Variants in KCNAB1 observed in about 807,000 individuals in gnomAD.
KCNAB1 encodes voltage-gated potassium channel subunit beta-1.
In KCNAB1, 35 loss-of-function variants were observed where a neutral mutation model predicts 64.6. That is an observed-to-expected ratio of 0.54 (90% confidence interval 0.41 to 0.72). KCNAB1 has a LOEUF of 0.72. Ranked by LOEUF, KCNAB1 falls within the 30% of genes least tolerant of loss-of-function variation. The pLI is 0.00. For missense variants in KCNAB1, 401 were observed against 512.9 expected (o/e 0.78, Z 2.11); for synonymous variants, 177 against 183.8 (o/e 0.96, Z 0.30).
intron 1 of KCNAB1, among the ~76,000 whole-genome samples, chr3:156,234,402 C>T (rs567661123): frequency 6.6e-6 from 1 of 152,168 alleles, no homozygotes; most frequent in Non-Finnish European, 1.5e-5. Context: ...CTTTAGGAGC[C>T]AGAACATAAG....
intron 1 of KCNAB1, among the ~76,000 whole-genome samples, chr3:156,226,217 G>T (rs1490193903): frequency 6.6e-6 from 1 of 152,070 alleles, no homozygotes; most frequent in African/African-American, 2.4e-5. Context: ...ATAAAAATTG[G>T]CACATAGACC....
At chr3:156,124,702 T>C (rs1248828191) in intron 1 of KCNAB1, among the ~76,000 whole-genome samples, 1 of 152,222 alleles carries the variant, frequency 6.6e-6, no homozygotes, top group African/African-American at 2.4e-5. Flanking sequence ...AGAATGCCTA[T>C]CTTATTGCTT....
At chr3:156,283,753 C>T (rs1268072967) in intron 1 of KCNAB1, among the ~76,000 whole-genome samples, 15 of 152,180 alleles carry the variant, frequency 9.9e-5, no homozygotes, top group South Asian at 2.1e-4. Context: ...TCCAGTTGAT[C>T]GCATTGGCTC....
rs182059176 is a variant in KCNAB1, at chr3:156,229,001, C to T, written c.275+108115C>T. 1.0e-3 allele frequency among the ~76,000 whole-genome samples: 154 copies of T among 152,250 alleles called. 1 individual carries two copies. The highest frequency in any genetic ancestry group is 3.6e-3 in the African/African-American group (148 of 41,546). On this transcript the variant is annotated intron_variant, in intron 1 of 13. Transcript: ENST00000490337. ...GTTTGGGGAGAGGGCACTAGACATA[C>T]CCCAGAGGCATCATTCCCCTCTTCC...
chr3:156,512,017 T>C (rs1287942794), intron 8 of KCNAB1, among the ~76,000 whole-genome samples: 1 of 152,252 alleles, frequency 6.6e-6, no homozygotes, highest in Non-Finnish European at 1.5e-5. Context: ...TTTTCTTTTT[T>C]ATGCCTAAAC....
chr3:156,531,224 T>G (rs1416954636), intron 12 of KCNAB1, among the ~76,000 whole-genome samples, 185 bp from the exon 13 acceptor site: 1 of 152,138 alleles, frequency 6.6e-6, no homozygotes, highest in Non-Finnish European at 1.5e-5. Flanking sequence ...CTTTGACAGA[T>G]TCTGTCAAAT....
At chr3:156,356,669 T>C (rs1200128722) in intron 1 of KCNAB1, among the ~76,000 whole-genome samples, 1 of 152,210 alleles carries the variant, frequency 6.6e-6, no homozygotes, top group African/African-American at 2.4e-5. Context: ...CAGCACAAGT[T>C]AAATCTACAG....
At chr3:156,132,350 C>T (rs1456186584) in intron 1 of KCNAB1, among the ~76,000 whole-genome samples, 2 of 152,214 alleles carry the variant, frequency 1.3e-5, no homozygotes, top group Admixed American at 6.5e-5. Context: ...CTGATATCCA[C>T]CTGGCAGTGG....
chr3:156,338,303 C>CTTTTT (rs34671816), intron 1 of KCNAB1, among the ~76,000 whole-genome samples: 1,118 of 39,428 alleles, frequency 0.028, 283 homozygotes, highest in African/African-American at 0.06. Context: ...GGCATTTGCA[C>CTTTTT]TTTTTTTTTT....
At chr3:156,143,335 G>A (rs370874801) in intron 1 of KCNAB1, 25 of 1,612,040 alleles carry the variant, frequency 1.6e-5, no homozygotes, top group South Asian at 6.6e-5. Context: ...TGGAGCAGCC[G>A]AACAGAAATA....
chr3:156,234,496 C>T (rs557998208), intron 1 of KCNAB1, among the ~76,000 whole-genome samples: 5 of 151,962 alleles, frequency 3.3e-5, no homozygotes, highest in South Asian at 2.1e-4. Flanking sequence ...CCCATTTCTA[C>T]GTAGGATGAG....
chr3:156,352,894 C>G (rs1724954376), intron 1 of KCNAB1, among the ~76,000 whole-genome samples: 1 of 152,260 alleles, frequency 6.6e-6, no homozygotes, highest in South Asian at 2.1e-4. Flanking sequence ...AGTTCGCTAC[C>G]TGTCATCGAG....
chr3:156,511,349 C>T (rs556371937), intron 8 of KCNAB1, among the ~76,000 whole-genome samples: 13 of 152,290 alleles, frequency 8.5e-5, no homozygotes, highest in South Asian at 2.1e-4. Context: ...GTGATCCACC[C>T]GCCTCGGCCT....
chr3:156,417,574 A>C (rs2108219661), intron 1 of KCNAB1, among the ~76,000 whole-genome samples: 1 of 152,372 alleles, frequency 6.6e-6, no homozygotes, highest in South Asian at 2.1e-4. Flanking sequence ...GAAACAAGCC[A>C]TTTAAAACAA....
intron 7 of KCNAB1, 34 bp downstream of exon 7, chr3:156,465,720 G>T (rs751608274): frequency 2.9e-5 from 45 of 1,560,044 alleles, no homozygotes; most frequent in Non-Finnish European, 3.6e-5. Flanking sequence ...ATTTTTGGTT[G>T]TGGGCCCCTC....
rs180742562 is a variant in KCNAB1, at chr3:156,213,103, G to C, written c.275+92217G>C. On this transcript the variant is annotated intron_variant, in intron 1 of 13. Transcript: ENST00000490337. ...ACTAACACCAGTAGGATCTGGTGATGGGCTGAGTATGGGGTAAGGAGGAAG... is the reference window on the plus strand; with the variant it reads ...ACTAACACCAGTAGGATCTGGTGATCGGCTGAGTATGGGGTAAGGAGGAAG... Among the ~76,000 whole-genome samples the C allele has an allele frequency of 1.8e-3, 272 of 152,272 alleles. 1 individual carries two copies. The highest frequency in any genetic ancestry group is 6.1e-3 in the African/African-American group (254 of 41,544).
chr3:156,438,615 A>G (rs1462711444), intron 2 of KCNAB1, among the ~76,000 whole-genome samples: 4 of 152,202 alleles, frequency 2.6e-5, no homozygotes, highest in African/African-American at 9.7e-5. Flanking sequence ...GATAATAAGG[A>G]AAGTAGCATT....
intron 1 of KCNAB1, among the ~76,000 whole-genome samples, chr3:156,417,421 G>A (rs1482038634): frequency 3.9e-5 from 6 of 152,186 alleles, no homozygotes; most frequent in Non-Finnish European, 7.3e-5. Context: ...CTTTCCAGCT[G>A]TCCCTGTTAC....
At chr3:156,175,760 C>A (rs1260592985) in intron 1 of KCNAB1, 2 of 565,164 alleles carry the variant, frequency 3.5e-6, no homozygotes, top group Non-Finnish European at 6.7e-6. Context: ...TGCCAGTAAT[C>A]GTCATCTGAA....
Sources: gnomAD v4.1 joint callset for allele counts (sites outside exome capture counted in the v4.1 genomes callset) on GRCh38, gnomAD v4.1.1 for gene constraint, MANE v1.5 for transcripts, NCBI Gene and HGNC (gene_info 2026-07-23, HGNC 2026-07-21) for gene names.